Variants in SF3A3 observed in about 807,000 individuals in gnomAD.
The protein encoded by SF3A3 is SAP 61.
A neutral mutation model predicts 85.8 loss-of-function variants in SF3A3; 9 were observed. The ratio of observed to expected loss-of-function variants is 0.10; its 90% CI spans 0.06 to 0.18. The LOEUF is 0.18. SF3A3 is among the 10% of genes least tolerant of loss of function. The pLI is 1.00. For synonymous variants in SF3A3, 195 were observed against 204.4 expected (o/e 0.95, Z 0.39); for missense variants, 306 against 593.3 (o/e 0.52, Z 5.03).
chr1:37,980,846 T>C, intron 7 of SF3A3, 122 bp from the exon 8 acceptor site: 1 of 523,400 alleles, frequency 1.9e-6, no homozygotes. Flanking sequence ...ATACTCTTTT[T>C]TTTTTTTTTT....
intron 9 of SF3A3, 61 bp downstream of exon 9, chr1:37,979,404 G>T: frequency 8.4e-7 from 1 of 1,195,522 alleles, no homozygotes; most frequent in Non-Finnish European, 1.2e-6. Context: ...AGACAGGAGA[G>T]CAGTCTTTAA....
chr1:37,987,442 T>A (rs1165861865), intron 4 of SF3A3, 131 bp downstream of exon 4: 1 of 687,548 alleles, frequency 1.5e-6, no homozygotes, highest in East Asian at 2.6e-5. Flanking sequence ...CAGCTAACTA[T>A]GGTCCTTGCA....
rs540821226 is a variant in SF3A3, at chr1:37,957,306, T to C, written c.*880A>G. 4 of 151,774 alleles carry C rather than the reference T, an allele frequency of 2.6e-5. No individual in the cohort carries two copies. In the East Asian group the frequency reaches 7.8e-4, roughly 29 times the overall value. 9.4% of individuals were successfully genotyped at this position (151,774 alleles called of 1,614,324 possible). A position where few individuals can be genotyped will look rare whatever the true frequency, so the allele number is the denominator to read the frequency against. The stretch of plus-strand genomic sequence containing the variant: ...AGTCTCTCATTCTGACCTAGCAAGC[T>C]GGTGAAGTCACTGTCGGTCCTAGTT... On this transcript the variant is annotated 3_prime_UTR_variant, in exon 17 of 17. Coordinates refer to ENST00000373019, the MANE Select transcript of SF3A3 (RefSeq NM_006802.4).
At chr1:37,964,880 T>C (rs1261510613) in intron 15 of SF3A3, among the ~76,000 whole-genome samples, 1 of 152,126 alleles carries the variant, frequency 6.6e-6, no homozygotes, top group Non-Finnish European at 1.5e-5. Context: ...TCTCTTAACA[T>C]GAGCATGGTG....
chr1:37,960,479 G>A (rs1646249348), intron 15 of SF3A3: 3 of 335,634 alleles, frequency 8.9e-6, no homozygotes, highest in Non-Finnish European at 1.6e-5. Context: ...AGAATAATGG[G>A]GAAAGTGACT....
intron 15 of SF3A3, among the ~76,000 whole-genome samples, chr1:37,966,975 C>T (rs1276356080): frequency 3.8e-5 from 5 of 129,972 alleles, no homozygotes; most frequent in South Asian, 2.6e-4. Flanking sequence ...AATAATTAGG[C>T]GCGGTGGCTC....
chr1:37,975,739 A>T (rs1646374994), intron 12 of SF3A3, among the ~76,000 whole-genome samples: 1 of 152,178 alleles, frequency 6.6e-6, no homozygotes, highest in Admixed American at 6.6e-5. Context: ...TATTATACGA[A>T]TGGTCCTCAA....
intron 16 of SF3A3, among the ~76,000 whole-genome samples, chr1:37,958,691 T>C (rs1242096065): frequency 2.6e-5 from 4 of 152,234 alleles, no homozygotes; most frequent in Admixed American, 1.3e-4. Flanking sequence ...AGCTTCCCCA[T>C]GTCCAGGGCA....
intron 12 of SF3A3, among the ~76,000 whole-genome samples, chr1:37,973,107 A>G (rs1325257355): frequency 1.3e-5 from 2 of 152,274 alleles, no homozygotes; most frequent in African/African-American, 4.8e-5. Context: ...TGGAACCAGG[A>G]GGTGGAGGTT....
At chr1:37,980,998 C>A (rs976001706) in intron 7 of SF3A3, among the ~76,000 whole-genome samples, 2 of 151,580 alleles carry the variant, frequency 1.3e-5, no homozygotes, top group Non-Finnish European at 2.9e-5. Context: ...TACAGGCATG[C>A]GCCACCATGC....
intron 6 of SF3A3, among the ~76,000 whole-genome samples, chr1:37,983,761 C>T (rs1646437041): frequency 1.3e-5 from 2 of 151,374 alleles, no homozygotes; most frequent in South Asian, 2.1e-4. Flanking sequence ...ACTGCAAGAC[C>T]CCATCTTTAC....
intron 10 of SF3A3, 50 bp downstream of exon 10, chr1:37,978,938 G>A: frequency 6.4e-7 from 1 of 1,569,834 alleles, no homozygotes; most frequent in Non-Finnish European, 8.8e-7. Context: ...TTAGAAGACT[G>A]TGCAAACACA....
At chr1:37,979,659 C>T (rs972928515) in intron 8 of SF3A3, 126 bp from the exon 9 acceptor site, 1 of 590,510 alleles carries the variant, frequency 1.7e-6, no homozygotes, top group East Asian at 2.8e-5. Context: ...AGTTAGAGAC[C>T]AGGCAGGGAA....
intron 4 of SF3A3, among the ~76,000 whole-genome samples, chr1:37,986,542 T>G (rs994401394): frequency 6.6e-6 from 1 of 151,770 alleles, no homozygotes; most frequent in African/African-American, 2.4e-5. Context: ...CCGGGCGCGG[T>G]GGCTCATGCC....
At chr1:37,974,524 G>C (rs957608809) in intron 12 of SF3A3, among the ~76,000 whole-genome samples, 12 of 151,982 alleles carry the variant, frequency 7.9e-5, no homozygotes, top group South Asian at 2.1e-4. Context: ...GGATGGTCTC[G>C]ATCTCCTGAC....
At chr1:37,960,254 G>T in intron 15 of SF3A3, 79 bp from the exon 16 acceptor site, 4 of 1,327,756 alleles carry the variant, frequency 3.0e-6, no homozygotes, top group Non-Finnish European at 3.2e-6. Flanking sequence ...CTCTCTCCCT[G>T]CCATTAGGAT....
chr1:37,984,302 C>T, intron 5 of SF3A3, 42 bp from the exon 6 acceptor site: 2 of 1,182,426 alleles, frequency 1.7e-6, no homozygotes, highest in East Asian at 4.7e-5. Context: ...TTCTACAGAC[C>T]ACTCTCTTGG....
intron 6 of SF3A3, among the ~76,000 whole-genome samples, chr1:37,983,497 C>T (rs1234946322): frequency 2.2e-5 from 3 of 137,356 alleles, no homozygotes; most frequent in East Asian, 4.5e-4. Context: ...GAGGCGGGAT[C>T]CATCACTTGA....
intron 12 of SF3A3, among the ~76,000 whole-genome samples, chr1:37,973,510 G>A (rs984281708): frequency 6.6e-6 from 1 of 152,118 alleles, no homozygotes; most frequent in Non-Finnish European, 1.5e-5. Context: ...AAAGAGAAAT[G>A]CAAATCAAAA....
Sources: gnomAD v4.1 joint callset for allele counts (sites outside exome capture counted in the v4.1 genomes callset) on GRCh38, gnomAD v4.1.1 for gene constraint, MANE v1.5 for transcripts, NCBI Gene and HGNC (gene_info 2026-07-23, HGNC 2026-07-21) for gene names.